HERC3: variants seen among roughly 807,000 people sequenced by gnomAD.
The protein encoded by HERC3 is HECT and RLD domain containing E3 ubiquitin protein ligase 3.
Under a neutral mutation model 129.9 loss-of-function variants are expected in HERC3, and 58 were observed. That is an observed-to-expected ratio of 0.45 (90% CI 0.36 to 0.56). The LOEUF is 0.56. HERC3 is among the 20% of genes least tolerant of loss of function. The probability of loss-of-function intolerance (pLI) is 0.00; values close to 1 mark genes in which losing one functional copy is unlikely to be tolerated. For missense variants in HERC3, 835 were observed against 1,244.2 expected (o/e 0.67, Z 4.95); for synonymous variants, 430 against 451.0 (o/e 0.95, Z 0.59).
intron 4 of HERC3, among the ~76,000 whole-genome samples, chr4:88,651,736 C>T (rs1235451265): frequency 6.6e-6 from 1 of 152,158 alleles, no homozygotes; most frequent in Non-Finnish European, 1.5e-5. Context: ...AGGCATGTGC[C>T]ACAACGCCCG....
At chr4:88,564,183 C>T in the HERC3 span, among the ~76,000 whole-genome samples, 4 of 152,090 alleles carry the variant, frequency 2.6e-5, no homozygotes, top group Non-Finnish European at 5.9e-5. Flanking sequence ...TTGTTGAATT[C>T]GGTTTGCTAA....
intron 3 of HERC3, among the ~76,000 whole-genome samples, chr4:88,618,780 C>T (rs1240270988): frequency 6.6e-6 from 1 of 152,214 alleles, no homozygotes; most frequent in Non-Finnish European, 1.5e-5. Flanking sequence ...GTTTCATCTC[C>T]TTACTGCCAC....
the HERC3 span, among the ~76,000 whole-genome samples, chr4:88,568,798 G>C: frequency 6.6e-6 from 1 of 151,892 alleles, no homozygotes; most frequent in African/African-American, 2.4e-5. Context: ...GACTTTTCCT[G>C]GTGCCCTCTT....
chr4:88,633,502 G>A (rs1034976765), intron 3 of HERC3, among the ~76,000 whole-genome samples: 1 of 152,212 alleles, frequency 6.6e-6, no homozygotes, highest in Middle Eastern at 3.4e-3. Context: ...GATAATTATT[G>A]TAATTCCTGG....
chr4:88,676,284 A>G (rs201382076), intron 17 of HERC3, 43 bp downstream of exon 17: 799 of 1,572,358 alleles, frequency 5.1e-4, no homozygotes, highest in Non-Finnish European at 6.5e-4. Context: ...TTTTCCAGCT[A>G]TACTTTCTGT....
chr4:88,685,990 A>T (rs1006275938), intron 21 of HERC3, among the ~76,000 whole-genome samples: 1 of 152,182 alleles, frequency 6.6e-6, no homozygotes, highest in Non-Finnish European at 1.5e-5. Flanking sequence ...GGAGTGTCTG[A>T]AATCAATCTT....
chr4:88,697,776 G>A (rs1173214625), intron 23 of HERC3: 3 of 1,569,254 alleles, frequency 1.9e-6, no homozygotes, highest in Non-Finnish European at 2.6e-6. Flanking sequence ...AGCCGCAGAG[G>A]TCTAGGAGGG....
intron 16 of HERC3, among the ~76,000 whole-genome samples, chr4:88,671,467 T>G (rs980917506): frequency 6.6e-6 from 1 of 152,136 alleles, no homozygotes; most frequent in African/African-American, 2.4e-5. Context: ...TCTAGAGACT[T>G]AAAAAATGCA....
chr4:88,612,289 C>CTGTGTGTG (rs3220740), intron 3 of HERC3, among the ~76,000 whole-genome samples: 12,198 of 141,534 alleles, frequency 0.086, 604 homozygotes, highest in Admixed American at 0.12. Context: ...ATGTGACCAA[C>CTGTGTGTG]TGTGTGTGTG....
chr4:88,669,947 G>C lies in HERC3; in HGVS notation c.1721G>C (p.Arg574Thr). The C allele has an allele frequency of 1.9e-6, 3 of 1,613,440 alleles. No homozygotes were observed. The highest frequency in any genetic ancestry group is 2.5e-6 in the Non-Finnish European group (3 of 1,179,426). Residue 574 changes from arginine to threonine, a missense_variant, in exon 15 of 26, where the codon AGA becomes ACA. Transcript: ENST00000402738. ...KGAVLYLLRG[R>T]KTFLIPVLFN... ...GCAGTCCTTTATCTACTGAGGGGAA[G>C]AAAGACATTCTTAATTCCCGTACTG...
chr4:88,596,227 A>C (rs1722376192), intron 2 of HERC3, among the ~76,000 whole-genome samples: 1 of 152,136 alleles, frequency 6.6e-6, no homozygotes, highest in South Asian at 2.1e-4. Context: ...TTAGGAATGT[A>C]AGTCTTTTGC....
upstream of HERC3, among the ~76,000 whole-genome samples, chr4:88,588,522 CT>C (rs1342399434): frequency 7.2e-5 from 11 of 152,298 alleles, no homozygotes; most frequent in South Asian, 1.2e-3. Context: ...ATACTTTTTA[CT>C]TGTCAAATAA....
At chr4:88,646,830 A>G (rs962745843) in intron 3 of HERC3, among the ~76,000 whole-genome samples, 2 of 152,224 alleles carry the variant, frequency 1.3e-5, no homozygotes, top group African/African-American at 4.8e-5. Flanking sequence ...GCTAGAAGAA[A>G]TAGAATAAGT....
chr4:88,562,596 T>C, the HERC3 span, among the ~76,000 whole-genome samples: 1 of 152,168 alleles, frequency 6.6e-6, no homozygotes, highest in East Asian at 1.9e-4. Flanking sequence ...TCCTGGAGAG[T>C]TTTCCCAATA....
chr4:88,636,863 C>CGAT (rs1560702815), intron 3 of HERC3, among the ~76,000 whole-genome samples: 2 of 152,176 alleles, frequency 1.3e-5, no homozygotes, highest in African/African-American at 4.8e-5. Flanking sequence ...TGGCCAGGTG[C>CGAT]GATGGCTCAT....
intron 12 of HERC3, among the ~76,000 whole-genome samples, chr4:88,665,801 T>G (rs1417599386): frequency 2.6e-5 from 4 of 152,212 alleles, no homozygotes; most frequent in African/African-American, 7.2e-5. Context: ...TTAAGGCAGC[T>G]GGGATGAGCT....
chr4:88,617,478 A>G (rs1006697533), intron 3 of HERC3, among the ~76,000 whole-genome samples: 2 of 152,216 alleles, frequency 1.3e-5, no homozygotes, highest in African/African-American at 2.4e-5. Context: ...GCCTCATACT[A>G]TATGAACTGT....
intron 7 of HERC3, among the ~76,000 whole-genome samples, chr4:88,654,348 TCATATATATATATA>T (rs1428056218): frequency 0.021 from 2,304 of 109,628 alleles, 76 homozygotes; most frequent in African/African-American, 0.063. Context: ...TGTAGATTTT[TCATATATATATATA>T]TATATATATA....
At chr4:88,579,226 A>ATATATAT in the HERC3 span, among the ~76,000 whole-genome samples, 10 of 93,936 alleles carry the variant, frequency 1.1e-4, no homozygotes, top group African/African-American at 1.0e-3. Context: ...TACTAAAAAA[A>ATATATAT]AAAAAAATAT....
Sources: gnomAD v4.1 joint callset for allele counts (sites outside exome capture counted in the v4.1 genomes callset) on GRCh38, gnomAD v4.1.1 for gene constraint, MANE v1.5 for transcripts, NCBI Gene and HGNC (gene_info 2026-07-23, HGNC 2026-07-21) for gene names.